IL18BP: variants seen among roughly 807,000 people sequenced by gnomAD.
IL18BP encodes the protein interleukin-18-binding protein.
A neutral mutation model predicts 19.9 loss-of-function variants in IL18BP; 23 were observed. The observed-to-expected ratio is 1.15, with a 90% confidence interval of 0.83 to 1.64. IL18BP has a LOEUF of 1.64. Ranked by LOEUF, IL18BP falls within the 40% of genes most tolerant of loss-of-function variation. The pLI is 0.00. For missense variants in IL18BP, 239 were observed against 240.7 expected, an observed-to-expected ratio of 0.99 and a Z score of 0.05; for synonymous variants, 107 against 101.0, an observed-to-expected ratio of 1.06 and a Z score of -0.35.
downstream of IL18BP, chr11:72,007,205 T>C (rs757449639): frequency 1.9e-6 from 3 of 1,609,990 alleles, no homozygotes; most frequent in East Asian, 2.2e-5. Flanking sequence ...CATGGTGATG[T>C]TGATGATCTG....
At chr11:72,006,171 G>A, downstream of IL18BP, 1 of 1,614,178 alleles carries the variant, frequency 6.2e-7, no homozygotes, top group Non-Finnish European at 8.5e-7. Flanking sequence ...ACTGAGTAGA[G>A]GAGGTGGCTC....
At chr11:72,006,123 T>C (rs916389335), downstream of IL18BP, 2 of 1,614,006 alleles carry the variant, frequency 1.2e-6, no homozygotes, top group African/African-American at 2.7e-5. Flanking sequence ...TGAGCAGGGC[T>C]GAGTTGCCAT....
chr11:72,000,111 C>T, intron 2 of IL18BP, 99 bp downstream of exon 2: 2 of 1,268,648 alleles, frequency 1.6e-6, no homozygotes, highest in Non-Finnish European at 2.3e-6. Flanking sequence ...CAAGGCAAAC[C>T]ACCCAGCGCA....
downstream of IL18BP, chr11:72,004,579 G>C: frequency 6.5e-7 from 1 of 1,531,054 alleles, no homozygotes; most frequent in Admixed American, 1.9e-5. Context: ...TTTAGTCCTT[G>C]GTGAGCTGGG....
chr11:72,001,054 G>A (rs1027989058), intron 3 of IL18BP, 147 bp from the exon 4 acceptor site: 30 of 885,080 alleles, frequency 3.4e-5, no homozygotes, highest in African/African-American at 1.0e-4. Context: ...CTTCTGTAAC[G>A]GACGTTCCCA....
Position 72,001,250 on chromosome 11 carries a change from C to T in IL18BP, c.285C>T (p.Phe95=). The change falls in exon 4 of 6, where the codon TTC becomes TTT. Residue 95 remains phenylalanine (F), a synonymous_variant. Transcript: ENST00000393703. The stretch of plus-strand genomic sequence containing the variant: ...TGGCCTGCAGCCGCTTCCCCAACTT[C>T]AGCATCCTCTACTGGCTGGGCAATG... ...SCVACSRFPN[F]SILYWLGNGS... The T allele has an allele frequency of 6.2e-7, 1 of 1,614,212 alleles. No homozygotes were observed. Among genetic ancestry groups the T allele is most frequent in the Middle Eastern group, 1.6e-4 (1 of 6,062 alleles).
chr11:71,999,130 G>A (rs1240190577), intron 1 of IL18BP, 111 bp downstream of exon 1: 1 of 516,906 alleles, frequency 1.9e-6, no homozygotes, highest in Non-Finnish European at 3.9e-6. Context: ...CCGACCTTGG[G>A]GCTGGTGGCT....
Position 72,001,808 on chromosome 11 carries a change from C to T in IL18BP, c.532C>T (p.Pro178Ser). 1 of 1,614,126 alleles carries T rather than the reference C, an allele frequency of 6.2e-7. No homozygotes were observed. Among genetic ancestry groups the T allele is most frequent in the South Asian group, 1.1e-5 (1 of 91,086 alleles). ...LWAGLRATLP[P>S]TQEALPSSHS... ...GGCTGGGCTGAGGGCAACCTTGCCC[C>T]CCACCCAAGAAGCCCTGCCCTCCAG... is the stretch of plus-strand genomic sequence containing the variant. Residue 178 changes from proline to serine, a missense_variant, in exon 6 of 6, where the codon CCC (proline) becomes TCC (serine). Coordinates refer to ENST00000393703, the MANE Select transcript of IL18BP (RefSeq NM_001039660.2).
downstream of IL18BP, chr11:72,007,540 G>A (rs1955824600): frequency 1.4e-6 from 2 of 1,390,106 alleles, no homozygotes; most frequent in Non-Finnish European, 9.8e-7. Flanking sequence ...AAGCAGATGA[G>A]GTCAAGCAGC....
downstream of IL18BP, chr11:72,007,626 TCTC>T (rs546924264): frequency 5.0e-5 from 34 of 685,490 alleles, no homozygotes; most frequent in South Asian, 4.2e-4. Flanking sequence ...TCCCCTGGCT[TCTC>T]CTAATAGCTC....
At chr11:72,008,163 A>C (rs1283320798), downstream of IL18BP, 1 of 476,438 alleles carries the variant, frequency 2.1e-6, no homozygotes, top group East Asian at 5.3e-5. Flanking sequence ...AAAATAAGTA[A>C]ATGTAAGTGT....
chr11:72,004,740 C>T, downstream of IL18BP: 1 of 1,612,464 alleles, frequency 6.2e-7, no homozygotes, highest in Non-Finnish European at 8.5e-7. Flanking sequence ...TGGCTGCATG[C>T]TGGCTCGGCG....
downstream of IL18BP, chr11:72,005,238 A>G: frequency 3.1e-6 from 5 of 1,592,898 alleles, no homozygotes; most frequent in Non-Finnish European, 4.3e-6. Flanking sequence ...CTCACCCTGG[A>G]CTCCAGGGGA....
chr11:72,003,518 A>C, downstream of IL18BP: 1 of 1,614,042 alleles, frequency 6.2e-7, no homozygotes, highest in Non-Finnish European at 8.5e-7. Context: ...ACTCACTGGT[A>C]CTGGCCCTTT....
At chr11:72,001,375 C>T (rs767573319) in intron 4 of IL18BP, 30 bp from the exon 5 acceptor site, 6 of 1,614,222 alleles carry the variant, frequency 3.7e-6, no homozygotes, top group Non-Finnish European at 5.1e-6. Context: ...CTGCGGCCTT[C>T]TCATGACCTT....
chr11:71,999,489 C>T lies in IL18BP; in HGVS notation c.-58-438C>T, dbSNP rs1292154668. The stretch of plus-strand genomic sequence containing the variant: ...AGTCCCAGGAGCTGAAGGTTTCTGG[C>T]CACTGAACTTTGGCTAAAGCAGAGG... On this transcript the variant is annotated intron_variant, in intron 1 of 5. Coordinates refer to ENST00000393703, the MANE Select transcript of IL18BP (RefSeq NM_001039660.2). The T allele has an allele frequency of 1.4e-5, 3 of 214,554 alleles. No homozygotes were observed. The Admixed American group carries it at 1.6e-4, about 11-fold the overall frequency. 13.3% of individuals were successfully genotyped at this position (214,554 alleles called of 1,614,324 possible). A position where few individuals can be genotyped will look rare whatever the true frequency, so the allele number is the denominator to read the frequency against.
chr11:72,001,607 T>C, intron 5 of IL18BP, 55 bp downstream of exon 5: 1 of 1,592,136 alleles, frequency 6.3e-7, no homozygotes, highest in Non-Finnish European at 8.6e-7. Flanking sequence ...CTTCCATATG[T>C]GGGGAGGAAA....
rs769562577 is a variant in IL18BP at position 72,001,430 on chromosome 11, C to G, written c.385C>G (p.Gln129Glu). The change falls in exon 5 of 6, where the codon CAG (glutamine) becomes GAG (glutamate). Residue 129 changes from glutamine to glutamate, a missense_variant. Physicochemically the swap from Gln to Glu is conservative, Grantham distance 29 (BLOSUM62 2). Coordinates refer to ENST00000393703, the MANE Select transcript of IL18BP (RefSeq NM_001039660.2). ...CCGGGAACGTGGGAGCACAGGTACG[C>G]AGCTGTGCAAGGCCTTGGTGCTGGA... ...TSRERGSTGT[Q>E]LCKALVLEQL... is the part of the protein sequence containing the mutation. The G allele has an allele frequency of 1.9e-6, 3 of 1,614,250 alleles. No homozygotes were observed. The South Asian group carries it at 3.3e-5, about 18-fold the overall frequency.
downstream of IL18BP, chr11:72,004,347 G>A (rs1227982595): frequency 6.8e-6 from 11 of 1,609,834 alleles, no homozygotes; most frequent in Non-Finnish European, 8.5e-6. Flanking sequence ...TTAGACTATG[G>A]AGAAGAGGAC....
Sources: allele counts gnomAD v4.1 joint callset, GRCh38; gene constraint gnomAD v4.1.1; transcripts MANE v1.5; gene names NCBI Gene and HGNC (gene_info 2026-07-23, HGNC 2026-07-21).